The following C8orf34 variants were observed in gnomAD, a reference collection of about 807,000 sequenced individuals.
The protein encoded by C8orf34 is chromosome 8 open reading frame 34.
C8orf34 carries 65 observed loss-of-function variants against 68.3 expected under a neutral mutation model. The ratio of observed to expected loss-of-function variants is 0.95; its 90% CI spans 0.78 to 1.17. C8orf34 has a LOEUF of 1.17. C8orf34 is among the 50% of genes most tolerant of loss of function. The pLI, the probability that C8orf34 is intolerant of heterozygous loss-of-function variation, is 0.00. For missense variants in C8orf34, 664 were observed against 655.4 expected, an observed-to-expected ratio of 1.01 and a Z score of -0.14; for synonymous variants, 244 against 241.2, an observed-to-expected ratio of 1.01 and a Z score of -0.11.
intron 7 of C8orf34, among the ~76,000 whole-genome samples, chr8:68,552,329 A>G (rs910108567): frequency 3.3e-5 from 5 of 152,186 alleles, no homozygotes; most frequent in Non-Finnish European, 7.4e-5. Context: ...ATTCATTAAC[A>G]TGCAATATCT....
chr8:68,410,652 C>A (rs1027406202), intron 1 of C8orf34, among the ~76,000 whole-genome samples: 5 of 152,104 alleles, frequency 3.3e-5, no homozygotes, highest in Non-Finnish European at 7.4e-5. Context: ...GAGCGCTTTA[C>A]TATAGTTCAG....
intron 8 of C8orf34, among the ~76,000 whole-genome samples, chr8:68,676,846 A>G (rs931398445): frequency 3.3e-5 from 5 of 152,222 alleles, no homozygotes; most frequent in Non-Finnish European, 7.3e-5. Context: ...ACAGAAGGCA[A>G]GAAGGAGCAA....
At chr8:68,592,558 T>C (rs1180629600) in intron 7 of C8orf34, among the ~76,000 whole-genome samples, 1 of 151,642 alleles carries the variant, frequency 6.6e-6, no homozygotes, top group Non-Finnish European at 1.5e-5. Flanking sequence ...TTCTGTAGCA[T>C]ATCAGCTGAA....
chr8:68,619,004 C>T (rs1818310281), intron 7 of C8orf34, among the ~76,000 whole-genome samples: 1 of 152,088 alleles, frequency 6.6e-6, no homozygotes, highest in Non-Finnish European at 1.5e-5. Flanking sequence ...GAAAAGTCTT[C>T]ATGGAGGGCT....
chr8:68,465,078 T>A (rs1442913171), intron 3 of C8orf34, among the ~76,000 whole-genome samples: 1 of 151,638 alleles, frequency 6.6e-6, no homozygotes, highest in Non-Finnish European at 1.5e-5. Context: ...ATCCAGAATC[T>A]ACAATGAACT....
intron 1 of C8orf34, among the ~76,000 whole-genome samples, chr8:68,389,569 C>T (rs564365275): frequency 2.4e-4 from 37 of 152,236 alleles, no homozygotes; most frequent in Non-Finnish European, 4.6e-4. Flanking sequence ...GTACATTAGC[C>T]TCCCTTGTTA....
At chr8:68,383,329 TC>T (rs1386439669) in intron 1 of C8orf34, among the ~76,000 whole-genome samples, 2 of 152,182 alleles carry the variant, frequency 1.3e-5, no homozygotes, top group Non-Finnish European at 2.9e-5. Flanking sequence ...TAAAACTGTG[TC>T]CTCTAGCCCC....
chr8:68,753,399 C>G (rs996184429), intron 10 of C8orf34, among the ~76,000 whole-genome samples: 2 of 152,212 alleles, frequency 1.3e-5, no homozygotes, highest in South Asian at 4.1e-4. Flanking sequence ...CATAATGGTT[C>G]TCTAAGGAAA....
chr8:68,479,313 C>G (rs747082198), intron 4 of C8orf34, among the ~76,000 whole-genome samples: 49 of 151,424 alleles, frequency 3.2e-4, no homozygotes, highest in Non-Finnish European at 6.2e-4. Context: ...AAAGGGGCAG[C>G]AATTAGTGGG....
chr8:68,733,152 A>G (rs1221936624), intron 10 of C8orf34, among the ~76,000 whole-genome samples: 1 of 152,168 alleles, frequency 6.6e-6, no homozygotes, highest in Non-Finnish European at 1.5e-5. Flanking sequence ...TTTTCATCTT[A>G]ATTACTATGT....
chr8:68,575,956 G>GGTTTTTTTTTTTTTTTTTTTTTTTTT lies in C8orf34; in HGVS notation c.1105+42807_1105+42808insGTTTTTTTTTTTTTTTTTTTTTTTTT, dbSNP rs747862590. Among the ~76,000 whole-genome samples the GGTTTTTTTTTTTTTTTTTTTTTTTTT allele has an allele frequency of 1.5e-4, 14 of 96,348 alleles. 6 individuals carry two copies. The highest frequency in any genetic ancestry group is 1.1e-4 in the Non-Finnish European group (5 of 47,324). 63.2% of individuals were successfully genotyped at this position (96,348 alleles called of 152,430 possible). Reference sequence around the variant, plus strand: ...GCTGACATAATGCTAGTAGATGGTTGTTTTTTTTTTTTTTTTTTTTTGCCT... The same window carrying GGTTTTTTTTTTTTTTTTTTTTTTTTT: ...GCTGACATAATGCTAGTAGATGGTTGGTTTTTTTTTTTTTTTTTTTTTTTTTTTTTTTTTTTTTTTTTTTTTTGCCT... On this transcript the variant is annotated intron_variant, in intron 7 of 13. Transcript: ENST00000518698.
intron 7 of C8orf34, among the ~76,000 whole-genome samples, chr8:68,560,314 A>C (rs1221932954): frequency 6.6e-6 from 1 of 152,136 alleles, no homozygotes; most frequent in East Asian, 1.9e-4. Context: ...GTTTCATATC[A>C]AGAATGTACT....
intron 8 of C8orf34, among the ~76,000 whole-genome samples, chr8:68,678,924 C>T (rs1820279307): frequency 6.9e-6 from 1 of 144,762 alleles, no homozygotes; most frequent in African/African-American, 2.5e-5. Flanking sequence ...GATACAAAAT[C>T]AACAAACAAA....
chr8:68,395,705 CTG>C (rs1474053859), intron 1 of C8orf34, among the ~76,000 whole-genome samples: 1 of 152,092 alleles, frequency 6.6e-6, no homozygotes, highest in African/African-American at 2.4e-5. Context: ...ACGTAGACAA[CTG>C]TTACATTAGA....
At chr8:68,757,329 G>C (rs940432631) in intron 10 of C8orf34, among the ~76,000 whole-genome samples, 1 of 152,078 alleles carries the variant, frequency 6.6e-6, no homozygotes, top group African/African-American at 2.4e-5. Flanking sequence ...AAGTGCGAAA[G>C]ATTAAAAACA....
chr8:68,471,857 A>G (rs1812390278), intron 4 of C8orf34, among the ~76,000 whole-genome samples: 1 of 151,840 alleles, frequency 6.6e-6, no homozygotes, highest in African/African-American at 2.4e-5. Flanking sequence ...ACAGCAAATA[A>G]TCATTTATAT....
chr8:68,337,899 A>G (rs1287180837), intron 1 of C8orf34, among the ~76,000 whole-genome samples: 1 of 152,220 alleles, frequency 6.6e-6, no homozygotes, highest in East Asian at 1.9e-4. Context: ...TATTTAAACA[A>G]TAAATGCACA....
intron 10 of C8orf34, among the ~76,000 whole-genome samples, chr8:68,773,935 A>T (rs1331124019): frequency 6.6e-6 from 1 of 152,164 alleles, no homozygotes; most frequent in Admixed American, 6.5e-5. Context: ...TTAGCAGAAG[A>T]CTGCAAATGT....
intron 10 of C8orf34, among the ~76,000 whole-genome samples, chr8:68,767,714 AC>A (rs1291168132): frequency 5.9e-5 from 9 of 152,284 alleles, no homozygotes; most frequent in African/African-American, 1.9e-4. Context: ...ACTCACTGTA[AC>A]TTTGAACCCT....
Sources: gnomAD v4.1 joint callset for allele counts (sites outside exome capture counted in the v4.1 genomes callset) on GRCh38, gnomAD v4.1.1 for gene constraint, MANE v1.5 for transcripts, NCBI Gene and HGNC (gene_info 2026-07-23, HGNC 2026-07-21) for gene names.